Variants in ARHGEF10 observed in about 807,000 individuals in gnomAD.
ARHGEF10 encodes Rho guanine nucleotide exchange factor (GEF) 10.
In ARHGEF10, 140 loss-of-function variants were observed where a neutral mutation model predicts 147.4. The ratio of observed to expected loss-of-function variants is 0.95; its 90% CI spans 0.83 to 1.09. The LOEUF is 1.09. Among genes scored for constraint, ARHGEF10 ranks in the 50% least tolerant of loss-of-function variants. The pLI is 0.00. For missense variants in ARHGEF10, 2,222 were observed against 1,752.7 expected (o/e 1.27, Z -4.78); for synonymous variants, 902 against 695.8 (o/e 1.30, Z -4.67).
intron 23 of ARHGEF10, chr8:1,927,566 T>C (rs1812780581): frequency 6.6e-6 from 1 of 152,208 alleles, no homozygotes; most frequent in South Asian, 2.1e-4. Context: ...TGTGTTCTCG[T>C]TGTAGAGATT....
At chr8:1,833,854 C>G (rs1023149269) in intron 1 of ARHGEF10, among the ~76,000 whole-genome samples, 1 of 152,258 alleles carries the variant, frequency 6.6e-6, no homozygotes, top group African/African-American at 2.4e-5. Context: ...GCACTGTGCA[C>G]CTCAGCCTCC....
intron 16 of ARHGEF10, chr8:1,903,834 C>G (rs1164959568): frequency 3.3e-6 from 1 of 301,550 alleles, no homozygotes; most frequent in Non-Finnish European, 6.4e-6. Context: ...TGGCTCACAC[C>G]TGTAAGCCCA....
At chr8:1,851,996 G>A (rs1418875701) in intron 2 of ARHGEF10, among the ~76,000 whole-genome samples, 1 of 152,100 alleles carries the variant, frequency 6.6e-6, no homozygotes, top group Non-Finnish European at 1.5e-5. Flanking sequence ...GAGGGGCCCT[G>A]TGGGTGTGGG....
At position 1,957,944 on chromosome 8, in the gene ARHGEF10, C is replaced by T. The variant is rs1815707340; in HGVS notation, c.*681C>T. On this transcript the variant is annotated 3_prime_UTR_variant, in exon 29 of 29. Coordinates refer to ENST00000349830, the MANE Select transcript of ARHGEF10 (RefSeq NM_014629.4). ...GTTTCAGTCAATGTATTATCTGTAG[C>T]ATTTCACAAATAATGTTTGCTTTGA... is the stretch of plus-strand genomic sequence containing the variant. The T allele has an allele frequency of 6.6e-6, 1 of 152,260 alleles. No homozygotes were observed. The highest frequency in any genetic ancestry group is 2.4e-5 in the African/African-American group (1 of 41,450). 9.4% of individuals were successfully genotyped at this position (152,260 alleles called of 1,614,324 possible). A position where few individuals can be genotyped will look rare whatever the true frequency, so the allele number is the denominator to read the frequency against.
At chr8:1,833,123 GACAGAGGCAGAGGCAGAGACAGAAGC>G in intron 1 of ARHGEF10, among the ~76,000 whole-genome samples, 1 of 151,270 alleles carries the variant, frequency 6.6e-6, no homozygotes, top group Non-Finnish European at 1.5e-5. Context: ...GGCAGAGAGA[GACAGAGGCAGAGGCAGAGACAGAAGC>G]AGAGACAGAG....
chr8:1,829,305 A>G (rs781532275), intron 1 of ARHGEF10, among the ~76,000 whole-genome samples: 8 of 152,218 alleles, frequency 5.3e-5, no homozygotes, highest in Non-Finnish European at 8.8e-5. Context: ...GGTCTTCCTG[A>G]TGGTGCGTGC....
intron 8 of ARHGEF10, among the ~76,000 whole-genome samples, chr8:1,878,118 T>C (rs1807862273): frequency 1.3e-5 from 2 of 152,170 alleles, no homozygotes; most frequent in South Asian, 4.1e-4. Context: ...CTTCCAGGAA[T>C]TAGATCTTTT....
intron 11 of ARHGEF10, among the ~76,000 whole-genome samples, chr8:1,887,616 G>C (rs1011784499): frequency 6.6e-5 from 10 of 151,574 alleles, no homozygotes; most frequent in African/African-American, 2.2e-4. Flanking sequence ...CTGAGCAGGT[G>C]AGGGTTGTGA....
In ARHGEF10 at chr8:1,880,068, T is replaced by G; in HGVS notation, c.864T>G (p.Arg288=). 1 of 1,613,516 alleles carries G rather than the reference T, an allele frequency of 6.2e-7. No individual in the cohort carries two copies. Among genetic ancestry groups the G allele is most frequent in the Non-Finnish European group, 8.5e-7 (1 of 1,179,494 alleles). Residue 288 remains arginine (R), a synonymous_variant, in exon 9 of 29, where the codon CGT becomes CGG. Coordinates refer to ENST00000349830, the MANE Select transcript of ARHGEF10 (RefSeq NM_014629.4). ...HKKQLSHDLT[R]LKEHYEKKMR... is the part of the protein sequence containing the mutation. ...TGTAGCTTTCTCATGACCTAACCCG[T>G]TTAAAGGAGCACTATGAGAAAAAGA...
chr8:1,921,876 A>G (rs556398593), intron 18 of ARHGEF10, among the ~76,000 whole-genome samples: 1 of 152,272 alleles, frequency 6.6e-6, no homozygotes, highest in Non-Finnish European at 1.5e-5. Flanking sequence ...AACACAAGGC[A>G]CTTTACTCAA....
intron 27 of ARHGEF10, chr8:1,945,946 G>T: frequency 3.1e-6 from 1 of 318,428 alleles, no homozygotes; most frequent in South Asian, 3.1e-5. Flanking sequence ...AGGTCAGAGT[G>T]GGTGGGAGAC....
At chr8:1,851,164 C>G (rs1304035775) in intron 2 of ARHGEF10, among the ~76,000 whole-genome samples, 2 of 151,270 alleles carry the variant, frequency 1.3e-5, no homozygotes, top group Non-Finnish European at 2.9e-5. Flanking sequence ...AGGCCTCACG[C>G]ACACCGTGGG....
At chr8:1,901,357 G>C (rs918509311) in intron 15 of ARHGEF10, among the ~76,000 whole-genome samples, 5 of 152,086 alleles carry the variant, frequency 3.3e-5, no homozygotes, top group African/African-American at 1.2e-4. Context: ...GTTCTTCCTG[G>C]TTAGTGCTCC....
chr8:1,828,354 A>T (rs180947304), intron 1 of ARHGEF10, among the ~76,000 whole-genome samples: 41 of 152,356 alleles, frequency 2.7e-4, no homozygotes, highest in African/African-American at 9.4e-4. Context: ...TGGCATGCAC[A>T]CTTAACGGTT....
intron 11 of ARHGEF10, among the ~76,000 whole-genome samples, chr8:1,889,473 GACACT>G (rs1809205725): frequency 1.6e-5 from 1 of 64,146 alleles, no homozygotes; most frequent in African/African-American, 8.8e-5. Flanking sequence ...TCTGTGAGGA[GACACT>G]GAGTGGGGTG....
Position 1,903,434 on chromosome 8 carries a change from G to T in ARHGEF10, c.1804G>T (p.Glu602Ter). The change falls in exon 16 of 29, where the codon GAA becomes TAA. Residue 602 changes from glutamate to a stop codon, truncating the protein, a stop_gained. Coordinates refer to ENST00000349830, the MANE Select transcript of ARHGEF10 (RefSeq NM_014629.4). LOFTEE classifies it high-confidence loss of function. ...EVKQIAKAIN[E>*]RYLNKLLSSG... ...GAAGCAAATAGCCAAAGCCATAAAC[G>T]AAAGATACCTGAACAAGGTTGAGAG... The T allele has an allele frequency of 6.2e-7, 1 of 1,614,188 alleles. No individual in the cohort carries two copies.
At chr8:1,878,892 C>T (rs960092394) in intron 8 of ARHGEF10, among the ~76,000 whole-genome samples, 2 of 152,144 alleles carry the variant, frequency 1.3e-5, no homozygotes, top group Non-Finnish European at 2.9e-5. Flanking sequence ...CCCGGGAGCG[C>T]TGGGCTCTGC....
Position 1,957,334 on chromosome 8 carries a change from G to A in ARHGEF10, c.*71G>A, listed in dbSNP as rs773893914. The stretch of plus-strand genomic sequence containing the variant: ...CTTCTCAGCTAATCCTACAGCCTGA[G>A]TGGTTAAGCTGTGTCTACACTGGTT... On this transcript the variant is annotated 3_prime_UTR_variant, in exon 29 of 29. Transcript: ENST00000349830. 1,128 of 1,557,790 alleles carry A rather than the reference G, an allele frequency of 7.2e-4. No individual in the cohort carries two copies. Among genetic ancestry groups the A allele is most frequent in the Non-Finnish European group, 9.1e-4 (1,048 of 1,154,440 alleles).
intron 10 of ARHGEF10, among the ~76,000 whole-genome samples, chr8:1,884,759 A>T (rs1808510340): frequency 6.6e-6 from 1 of 152,158 alleles, no homozygotes; most frequent in Non-Finnish European, 1.5e-5. Flanking sequence ...AAAAAAATGA[A>T]TGTAGGCGTT....
Sources: allele counts gnomAD v4.1 joint callset (sites outside exome capture counted in the v4.1 genomes callset), GRCh38; gene constraint gnomAD v4.1.1; transcripts MANE v1.5; gene names NCBI Gene and HGNC (gene_info 2026-07-23, HGNC 2026-07-21).